Variants in ADGRL3 observed in about 807,000 individuals in gnomAD.
ADGRL3 encodes the protein calcium-independent alpha-latrotoxin receptor 3.
In ADGRL3, 62 loss-of-function variants were observed where a neutral mutation model predicts 153.5. The ratio of observed to expected loss-of-function variants is 0.40; its 90% CI spans 0.33 to 0.50. The LOEUF (loss-of-function observed/expected upper bound fraction) is 0.50, where lower values mean the gene tolerates loss of function less well. Ranked by LOEUF, ADGRL3 falls within the 20% of genes least tolerant of loss-of-function variation. The pLI is 0.47. For missense variants in ADGRL3, 1,641 were observed against 1,859.4 expected (o/e 0.88, Z 2.16); for synonymous variants, 710 against 672.5 (o/e 1.06, Z -0.86).
At chr4:61,806,955 A>T (rs1580921170) in intron 8 of ADGRL3, among the ~76,000 whole-genome samples, 1 of 151,986 alleles carries the variant, frequency 6.6e-6, no homozygotes, top group Non-Finnish European at 1.5e-5. Flanking sequence ...CCCCAAAGAG[A>T]TTTTACTTCT....
chr4:61,430,257 A>G (rs1188570763), intron 2 of ADGRL3, among the ~76,000 whole-genome samples: 3 of 152,138 alleles, frequency 2.0e-5, no homozygotes, highest in Non-Finnish European at 4.4e-5. Flanking sequence ...AACCTTGTCA[A>G]ATTTATGAGC....
At chr4:61,920,097 ACT>A (rs2098761828) in intron 13 of ADGRL3, among the ~76,000 whole-genome samples, 1 of 152,190 alleles carries the variant, frequency 6.6e-6, no homozygotes, top group Admixed American at 6.6e-5. Context: ...AAAACTGTTT[ACT>A]TAAAGCCCAT....
intron 3 of ADGRL3, among the ~76,000 whole-genome samples, 167 bp from the exon 4 acceptor site, chr4:61,517,148 G>A (rs762077609): frequency 6.6e-6 from 1 of 151,050 alleles, no homozygotes; most frequent in Middle Eastern, 3.4e-3. Flanking sequence ...GCCAGGAGAT[G>A]TAATCCTCTC....
At chr4:61,706,401 G>T (rs2095858396) in intron 6 of ADGRL3, among the ~76,000 whole-genome samples, 1 of 145,000 alleles carries the variant, frequency 6.9e-6, no homozygotes, top group African/African-American at 2.6e-5. Context: ...TGGGCTGGGT[G>T]GGTGACAGAG....
At chr4:61,660,266 T>A (rs906627924) in intron 5 of ADGRL3, among the ~76,000 whole-genome samples, 2 of 152,184 alleles carry the variant, frequency 1.3e-5, no homozygotes, top group African/African-American at 4.8e-5. Flanking sequence ...TTAACTTTGA[T>A]GTAAGGAGGT....
At chr4:61,372,205 C>A (rs908924700) in intron 1 of ADGRL3, among the ~76,000 whole-genome samples, 3 of 152,100 alleles carry the variant, frequency 2.0e-5, no homozygotes, top group African/African-American at 7.2e-5. Context: ...GTAATTTGAT[C>A]GTCTGAAGCC....
chr4:61,392,708 A>AAAAAAAAAAAAAAAGT (rs1560565678), intron 2 of ADGRL3, among the ~76,000 whole-genome samples: 1 of 92,740 alleles, frequency 1.1e-5, no homozygotes, highest in Non-Finnish European at 2.4e-5. Flanking sequence ...AAAAAAAAAG[A>AAAAAAAAAAAAAAAGT]AAAAGGAAAA....
At chr4:61,359,099 A>T (rs1219330074) in intron 1 of ADGRL3, among the ~76,000 whole-genome samples, 1 of 152,156 alleles carries the variant, frequency 6.6e-6, no homozygotes, top group Non-Finnish European at 1.5e-5. Context: ...CATACATCAC[A>T]TATAGGATCC....
chr4:61,368,631 G>T (rs905861841), intron 1 of ADGRL3, among the ~76,000 whole-genome samples: 1 of 151,916 alleles, frequency 6.6e-6, no homozygotes, highest in Non-Finnish European at 1.5e-5. Flanking sequence ...GGTTACTGTA[G>T]CCTTGTAGTA....
Position 61,948,284 on chromosome 4 carries a change from A to G in ADGRL3, c.2805+8A>G. On this transcript the variant is annotated splice_region_variant and intron_variant, in intron 17 of 26. Coordinates refer to ENST00000683033, the MANE Select transcript of ADGRL3 (RefSeq NM_001387552.1). ...GCACATGTGGAAGTTAAGGTAAGAT[A>G]TATACCATACAATGAAAATGTTTTA... 1 of 1,606,944 alleles carries G rather than the reference A, an allele frequency of 6.2e-7. No homozygotes were observed. Among genetic ancestry groups the G allele is most frequent in the Non-Finnish European group, 8.5e-7 (1 of 1,173,804 alleles).
chr4:61,749,853 G>T (rs569700531), intron 8 of ADGRL3, among the ~76,000 whole-genome samples: 14 of 150,958 alleles, frequency 9.3e-5, no homozygotes, highest in Admixed American at 1.3e-4. Context: ...AAAACTTAAA[G>T]TATAATAATA....
intron 8 of ADGRL3, among the ~76,000 whole-genome samples, chr4:61,771,743 A>G (rs1278844369): frequency 6.6e-6 from 1 of 151,228 alleles, no homozygotes; most frequent in Non-Finnish European, 1.5e-5. Flanking sequence ...TTTAAACCAA[A>G]GGGGTATCTA....
intron 5 of ADGRL3, among the ~76,000 whole-genome samples, chr4:61,617,192 A>G (rs2092097784): frequency 1.3e-5 from 2 of 152,178 alleles, no homozygotes; most frequent in Admixed American, 6.5e-5. Flanking sequence ...CATTAGGATG[A>G]CATTTTCCCC....
At chr4:61,646,285 C>G (rs868628342) in intron 5 of ADGRL3, among the ~76,000 whole-genome samples, 46 of 152,292 alleles carry the variant, frequency 3.0e-4, no homozygotes, top group African/African-American at 1.0e-3. Context: ...TCTCTCAGCT[C>G]GTCAAAGTCA....
At chr4:61,883,719 G>T (rs2098521492) in intron 9 of ADGRL3, among the ~76,000 whole-genome samples, 1 of 152,056 alleles carries the variant, frequency 6.6e-6, no homozygotes, top group Admixed American at 6.5e-5. Flanking sequence ...GAGTTGGGAT[G>T]TGCCTAACCA....
chr4:62,031,330 T>A, intron 22 of ADGRL3, 112 bp from the exon 23 acceptor site: 1 of 850,316 alleles, frequency 1.2e-6, no homozygotes, highest in Non-Finnish European at 1.7e-6. Context: ...TTACATTTTC[T>A]GTCAATAAAA....
At chr4:61,857,917 C>T (rs752704086) in intron 9 of ADGRL3, among the ~76,000 whole-genome samples, 21 of 152,130 alleles carry the variant, frequency 1.4e-4, no homozygotes, top group Non-Finnish European at 2.5e-4. Context: ...GGGAGGGTTA[C>T]ATTAAGGTTT....
intron 9 of ADGRL3, among the ~76,000 whole-genome samples, chr4:61,865,266 T>TA (rs35700373): frequency 0.46 from 69,803 of 151,888 alleles, 16,279 homozygotes; most frequent in Middle Eastern, 0.55. Flanking sequence ...CAAGCTACTT[T>TA]AAAAAAATTC....
intron 2 of ADGRL3, among the ~76,000 whole-genome samples, chr4:61,393,435 A>C (rs1218572333): frequency 6.6e-6 from 1 of 152,112 alleles, no homozygotes; most frequent in African/African-American, 2.4e-5. Context: ...TTTTAGATGT[A>C]ATTTAGATTA....
Sources: gnomAD v4.1 joint callset for allele counts (sites outside exome capture counted in the v4.1 genomes callset) on GRCh38, gnomAD v4.1.1 for gene constraint, MANE v1.5 for transcripts, NCBI Gene and HGNC (gene_info 2026-07-23, HGNC 2026-07-21) for gene names.